Variants in OXSR1 observed in about 807,000 individuals in gnomAD.
OXSR1 encodes the protein serine/threonine-protein kinase OSR1.
A neutral mutation model predicts 79.8 loss-of-function variants in OXSR1; 24 were observed. The observed-to-expected ratio is 0.30, with a 90% CI of 0.22 to 0.42. The LOEUF (loss-of-function observed/expected upper bound fraction) is 0.42, where lower values mean the gene tolerates loss of function less well. Ranked by LOEUF, OXSR1 falls within the 10% of genes least tolerant of loss-of-function variation. The probability of loss-of-function intolerance (pLI) is 1.00; values close to 1 mark genes in which losing one functional copy is unlikely to be tolerated. For missense variants in OXSR1, 430 were observed against 618.4 expected, an observed-to-expected ratio of 0.70 and a Z score of 3.23; for synonymous variants, 226 against 209.2, an observed-to-expected ratio of 1.08 and a Z score of -0.69.
At chr3:38,246,054 C>G (rs1349071411) in intron 12 of OXSR1, 21 bp from the exon 13 acceptor site, 3 of 1,612,154 alleles carry the variant, frequency 1.9e-6, no homozygotes, top group Middle Eastern at 3.3e-4. Flanking sequence ...TTAAGCAACA[C>G]TGTGTGTGTT....
chr3:38,251,815 G>C (rs911133937), intron 16 of OXSR1, among the ~76,000 whole-genome samples: 1 of 152,204 alleles, frequency 6.6e-6, no homozygotes, highest in African/African-American at 2.4e-5. Flanking sequence ...AGTCATTAGA[G>C]ATTTAGTACT....
rs998386031 is a variant in OXSR1 at position 38,230,586 on chromosome 3, T to C, written c.951+156T>C. 3 of 599,574 alleles carry C rather than the reference T, an allele frequency of 5.0e-6. No homozygotes were observed. In the Admixed American group the frequency reaches 8.8e-5, roughly 18 times the overall value. 37.1% of individuals were successfully genotyped at this position (599,574 alleles called of 1,614,324 possible). On this transcript the variant is annotated intron_variant, in intron 10 of 17. Transcript: ENST00000311806. The stretch of plus-strand genomic sequence containing the variant: ...CTTTGATACATTCATTCAGCAAATA[T>C]CTTTGGTCTACCATATGCCTTGGTA...
At chr3:38,184,634 A>G (rs1409317730) in intron 2 of OXSR1, among the ~76,000 whole-genome samples, 2 of 152,198 alleles carry the variant, frequency 1.3e-5, no homozygotes, top group Non-Finnish European at 2.9e-5. Flanking sequence ...TTCATGATTA[A>G]GCTGAGGCTC....
chr3:38,187,973 A>G (rs1021946922), intron 2 of OXSR1, among the ~76,000 whole-genome samples: 11 of 152,170 alleles, frequency 7.2e-5, no homozygotes, highest in Non-Finnish European at 1.6e-4. Context: ...AATCATTTAT[A>G]TATTTATTTT....
At position 38,224,683 on chromosome 3, in the gene OXSR1, T is replaced by C; in HGVS notation, c.815T>C (p.Leu272Pro). 1 of 1,570,874 alleles carries C rather than the reference T, an allele frequency of 6.4e-7. No individual in the cohort carries two copies. Among genetic ancestry groups the C allele is most frequent in the Admixed American group, 1.9e-5 (1 of 51,936 alleles). Residue 272 changes from leucine to proline, a missense_variant, in exon 8 of 18, where the codon CTT becomes CCT. This residue lies in a region of OXSR1 where 276 missense variants were observed against 354.2 expected (regional missense o/e 0.78). Transcript: ENST00000311806. ...TTTAGAAAAATGATTTCATTGTGCC[T>C]TCAAAAAGATCCAGAAAAAAGGTAA... ...KSFRKMISLC[L>P]QKDPEKRPTA...
At chr3:38,230,160 A>G (rs746834595) in intron 9 of OXSR1, among the ~76,000 whole-genome samples, 9 of 152,188 alleles carry the variant, frequency 5.9e-5, no homozygotes, top group East Asian at 1.9e-4. Flanking sequence ...CATACAGTGT[A>G]CTACATCTTA....
intron 4 of OXSR1, 56 bp from the exon 5 acceptor site, chr3:38,216,040 T>C (rs1702476265): frequency 5.6e-6 from 6 of 1,068,706 alleles, no homozygotes; most frequent in Non-Finnish European, 8.4e-6. Flanking sequence ...GCTTAAATTA[T>C]GTTACTCCAA....
chr3:38,227,945 T>C (rs1034044448), intron 8 of OXSR1, among the ~76,000 whole-genome samples: 1 of 152,198 alleles, frequency 6.6e-6, no homozygotes, highest in African/African-American at 2.4e-5. Flanking sequence ...TCACTTAAAA[T>C]GATGAGGATA....
Position 38,229,695 on chromosome 3 carries a change from C to T in OXSR1, c.845C>T (p.Ala282Val), listed in dbSNP as rs1318851210. Residue 282 changes from alanine to valine, a missense_variant, in exon 9 of 18, where the codon GCA becomes GTA. This residue lies in a region of OXSR1 where 276 missense variants were observed against 354.2 expected (regional missense o/e 0.78). Coordinates refer to ENST00000311806, the MANE Select transcript of OXSR1 (RefSeq NM_005109.3). ...LQKDPEKRPT[A>V]AELLRHKFFQ... ...TCCCTTCCTGGTTTTAGACCAACAG[C>T]AGCAGAACTATTAAGGCACAAATTT... 1.2e-6 allele frequency: 2 copies of T among 1,611,560 alleles called. No homozygotes were observed. The highest frequency in any genetic ancestry group is 1.3e-5 in the African/African-American group (1 of 74,830).
intron 15 of OXSR1, 60 bp from the exon 16 acceptor site, chr3:38,251,343 G>T: frequency 2.2e-6 from 3 of 1,365,230 alleles, no homozygotes; most frequent in Non-Finnish European, 3.1e-6. Flanking sequence ...CATGAGCTGT[G>T]AGAGTTAACA....
rs760212482 is a variant in OXSR1, at chr3:38,165,864, C to A, written c.-13C>A. 2 of 1,606,960 alleles carry A rather than the reference C, an allele frequency of 1.2e-6. No homozygotes were observed. The highest frequency in any genetic ancestry group is 1.7e-6 in the Non-Finnish European group (2 of 1,177,574). On this transcript the variant is annotated 5_prime_UTR_variant, in exon 1 of 18. Coordinates refer to ENST00000311806, the MANE Select transcript of OXSR1 (RefSeq NM_005109.3). ...GCGAGTTTGAGGGAGGACCGCGAGC[C>A]GCTGCCGCCGTCATGTCCGAGGACT...
chr3:38,170,807 G>T (rs1251117849), intron 1 of OXSR1, among the ~76,000 whole-genome samples: 1 of 152,114 alleles, frequency 6.6e-6, no homozygotes, highest in South Asian at 2.1e-4. Flanking sequence ...TTTCTGAGAA[G>T]GGTCTCACTC....
chr3:38,167,228 A>G (rs1701484289), intron 1 of OXSR1, among the ~76,000 whole-genome samples: 1 of 152,254 alleles, frequency 6.6e-6, no homozygotes, highest in African/African-American at 2.4e-5. Context: ...GGGTCCAGGA[A>G]TACCAGTTGG....
At chr3:38,246,273 G>A (rs886802761) in intron 13 of OXSR1, 52 bp downstream of exon 13, 1 of 1,567,858 alleles carries the variant, frequency 6.4e-7, no homozygotes, top group Non-Finnish European at 8.8e-7. Flanking sequence ...GATGAAAAGA[G>A]CAGATATTAA....
At chr3:38,233,410 T>C (rs1702852401) in intron 10 of OXSR1, among the ~76,000 whole-genome samples, 1 of 152,128 alleles carries the variant, frequency 6.6e-6, no homozygotes, top group African/African-American at 2.4e-5. Context: ...TGAAGCAAAC[T>C]CCACCCACTT....
chr3:38,178,542 G>A (rs973732874), intron 1 of OXSR1, among the ~76,000 whole-genome samples: 2 of 148,126 alleles, frequency 1.4e-5, no homozygotes, highest in East Asian at 2.0e-4. Context: ...GGGTTCAAGC[G>A]ATTCTCCTGC....
At chr3:38,236,130 C>A (rs1469815708) in intron 10 of OXSR1, among the ~76,000 whole-genome samples, 1 of 152,150 alleles carries the variant, frequency 6.6e-6, no homozygotes, top group Non-Finnish European at 1.5e-5. Context: ...AGGTTCAGCT[C>A]TGAATATGAT....
intron 1 of OXSR1, 136 bp from the exon 2 acceptor site, chr3:38,182,867 A>G (rs1480482055): frequency 1.9e-5 from 9 of 483,436 alleles, no homozygotes; most frequent in Non-Finnish European, 3.3e-5. Flanking sequence ...GACACTCTTT[A>G]GAGCATTTTT....
At chr3:38,244,637 C>CTGTGTG (rs112035003) in intron 12 of OXSR1, among the ~76,000 whole-genome samples, 1,939 of 99,486 alleles carry the variant, frequency 0.019, 22 homozygotes, top group Non-Finnish European at 0.027. Context: ...TAATATTCCT[C>CTGTGTG]TGTGTGTGTG....
Sources: gnomAD v4.1 joint callset for allele counts (sites outside exome capture counted in the v4.1 genomes callset) on GRCh38, gnomAD v4.1.1 for gene constraint, gnomAD v4.1.1 regional missense constraint, MANE v1.5 for transcripts, NCBI Gene and HGNC (gene_info 2026-07-23, HGNC 2026-07-21) for gene names.